Variants in NRXN3 observed in about 807,000 individuals in gnomAD.
NRXN3 encodes neurexin 3, also known as neurexin III.
A neutral mutation model predicts 137.6 loss-of-function variants in NRXN3; 32 were observed. That is an observed-to-expected ratio of 0.23 (90% confidence interval 0.18 to 0.31). The LOEUF (loss-of-function observed/expected upper bound fraction) is 0.31. NRXN3 is among the 10% of genes least tolerant of loss of function. The pLI, the probability that NRXN3 is intolerant of heterozygous loss-of-function variation, is 1.00. For missense variants in NRXN3, 1,574 were observed against 2,062.5 expected, an observed-to-expected ratio of 0.76 and a Z score of 4.59; for synonymous variants, 798 against 784.5, an observed-to-expected ratio of 1.02 and a Z score of -0.29.
chr14:78,838,653 C>T (rs2099003574), intron 10 of NRXN3, among the ~76,000 whole-genome samples: 1 of 152,142 alleles, frequency 6.6e-6, no homozygotes, highest in Admixed American at 6.6e-5. Flanking sequence ...AATCAATCTC[C>T]ATTAGGATCA....
intron 20 of NRXN3, among the ~76,000 whole-genome samples, chr14:79,819,370 T>G (rs1268237292): frequency 2.6e-5 from 4 of 152,152 alleles, no homozygotes; most frequent in African/African-American, 9.7e-5. Flanking sequence ...TAGTCTTTTT[T>G]TTTGTTTTTA....
chr14:78,447,115 G>A (rs904262379), intron 4 of NRXN3, among the ~76,000 whole-genome samples: 1 of 152,208 alleles, frequency 6.6e-6, no homozygotes, highest in Admixed American at 6.5e-5. Flanking sequence ...TGGGAGTTAG[G>A]AGGTCTAGTA....
At chr14:79,219,267 C>A (rs2069096029) in intron 15 of NRXN3, among the ~76,000 whole-genome samples, 1 of 152,076 alleles carries the variant, frequency 6.6e-6, no homozygotes, top group Non-Finnish European at 1.5e-5. Context: ...AGACTATAGG[C>A]ATCAAATGCC....
chr14:79,739,505 A>G lies in NRXN3; in HGVS notation c.4014+41568A>G, dbSNP rs191660412. On this transcript the variant is annotated intron_variant, in intron 19 of 20. Transcript: ENST00000335750. ...CTAAAAGTACAAAAATTAGCCAGGCATGGTGGTGGGCATCTGTAACGCCAG... is the reference window on the plus strand; with the variant it reads ...CTAAAAGTACAAAAATTAGCCAGGCGTGGTGGTGGGCATCTGTAACGCCAG... Among the ~76,000 whole-genome samples, 1,002 of 151,876 alleles carry G rather than the reference A, an allele frequency of 6.6e-3. 11 individuals carry two copies. The highest frequency in any genetic ancestry group is 0.011 in the Non-Finnish European group (772 of 67,942).
At chr14:79,376,271 T>C (rs1019978835) in intron 15 of NRXN3, among the ~76,000 whole-genome samples, 23 of 119,608 alleles carry the variant, frequency 1.9e-4, no homozygotes, top group African/African-American at 3.8e-4. Context: ...TATATACACA[T>C]ACATATGACT....
chr14:79,199,780 C>G (rs974875776), intron 15 of NRXN3, among the ~76,000 whole-genome samples: 1 of 152,102 alleles, frequency 6.6e-6, no homozygotes, highest in Non-Finnish European at 1.5e-5. Context: ...AGCAAAGGAT[C>G]AGAAGCAGCA....
intron 10 of NRXN3, among the ~76,000 whole-genome samples, chr14:78,894,415 T>G (rs990510976): frequency 2.0e-5 from 3 of 151,918 alleles, no homozygotes; most frequent in African/African-American, 7.2e-5. Context: ...TAAAATCCAT[T>G]CCAGTTTTAT....
chr14:78,513,881 C>A (rs958719329), intron 4 of NRXN3, among the ~76,000 whole-genome samples: 11 of 152,158 alleles, frequency 7.2e-5, no homozygotes, highest in South Asian at 4.1e-4. Context: ...TTCCCCATCT[C>A]TCCATAACTA....
intron 15 of NRXN3, among the ~76,000 whole-genome samples, chr14:79,243,257 T>A (rs2074592834): frequency 6.6e-6 from 1 of 152,164 alleles, no homozygotes; most frequent in Admixed American, 6.5e-5. Context: ...AATGATGTCA[T>A]CTATAATATA....
intron 4 of NRXN3, among the ~76,000 whole-genome samples, chr14:78,621,642 C>A (rs1281837108): frequency 1.3e-5 from 2 of 152,060 alleles, no homozygotes; most frequent in African/African-American, 4.8e-5. Flanking sequence ...ATCTTTTGCC[C>A]AATTAGGAGG....
At chr14:78,436,781 T>A (rs1045483615) in intron 4 of NRXN3, among the ~76,000 whole-genome samples, 10 of 152,196 alleles carry the variant, frequency 6.6e-5, no homozygotes, top group Non-Finnish European at 1.5e-4. Context: ...TTGGGGAGTG[T>A]CAAGTTGATT....
intron 4 of NRXN3, among the ~76,000 whole-genome samples, chr14:78,618,151 G>T (rs2097364953): frequency 6.6e-6 from 1 of 151,918 alleles, no homozygotes; most frequent in Non-Finnish European, 1.5e-5. Context: ...CCTTGTTCAG[G>T]TGCAGGAATT....
At chr14:78,910,652 A>C (rs896504809) in intron 10 of NRXN3, among the ~76,000 whole-genome samples, 2 of 151,778 alleles carry the variant, frequency 1.3e-5, no homozygotes, top group African/African-American at 4.8e-5. Context: ...CCTGGGCTTT[A>C]TTTCATTTTC....
chr14:79,232,497 G>T (rs1362431809), intron 15 of NRXN3, among the ~76,000 whole-genome samples: 1 of 152,052 alleles, frequency 6.6e-6, no homozygotes, highest in African/African-American at 2.4e-5. Flanking sequence ...TCTTTCAAAT[G>T]TTGTAGAAAA....
At chr14:78,792,733 G>A (rs112443003) in intron 8 of NRXN3, among the ~76,000 whole-genome samples, 18 of 152,182 alleles carry the variant, frequency 1.2e-4, no homozygotes, top group African/African-American at 4.3e-4. Flanking sequence ...TAGATTGCTG[G>A]CATTATACAA....
intron 15 of NRXN3, among the ~76,000 whole-genome samples, chr14:78,990,081 G>C (rs1053951638): frequency 3.9e-5 from 6 of 152,130 alleles, no homozygotes; most frequent in Non-Finnish European, 8.8e-5. Context: ...AATTTGTTGG[G>C]ATATAATGAA....
intron 20 of NRXN3, among the ~76,000 whole-genome samples, chr14:79,814,468 G>C (rs962281232): frequency 3.9e-5 from 6 of 152,276 alleles, no homozygotes; most frequent in Admixed American, 6.5e-5. Flanking sequence ...GCTGATCACT[G>C]GTTTGCATCT....
At chr14:79,239,812 G>A (rs535694111) in intron 15 of NRXN3, among the ~76,000 whole-genome samples, 73 of 152,250 alleles carry the variant, frequency 4.8e-4, no homozygotes, top group African/African-American at 1.6e-3. Flanking sequence ...ATACACAATC[G>A]AATATTATTC....
At chr14:79,507,180 T>A (rs1232253758) in intron 16 of NRXN3, among the ~76,000 whole-genome samples, 6 of 152,148 alleles carry the variant, frequency 3.9e-5, no homozygotes, top group Non-Finnish European at 4.4e-5. Flanking sequence ...GGAAGCTAAC[T>A]TGGAAGGAAA....
Sources: gnomAD v4.1 joint callset for allele counts (sites outside exome capture counted in the v4.1 genomes callset) on GRCh38, gnomAD v4.1.1 for gene constraint, MANE v1.5 for transcripts, NCBI Gene and HGNC (gene_info 2026-07-23, HGNC 2026-07-21) for gene names.